STIM2: variants seen among roughly 807,000 people sequenced by gnomAD.
The protein encoded by STIM2 is stromal interaction molecule 2.
Under a neutral mutation model 85.8 loss-of-function variants are expected in STIM2, and 31 were observed. The observed-to-expected ratio is 0.36, with a 90% CI of 0.27 to 0.49. The LOEUF (loss-of-function observed/expected upper bound fraction) is 0.49. Among genes scored for constraint, STIM2 ranks in the 20% least tolerant of loss-of-function variants. The pLI is 0.98. For missense variants in STIM2, 841 were observed against 927.6 expected, an observed-to-expected ratio of 0.91 and a Z score of 1.21; for synonymous variants, 356 against 331.1, an observed-to-expected ratio of 1.08 and a Z score of -0.82.
chr4:26,873,649 A>G, intron 1 of STIM2: 1 of 641,162 alleles, frequency 1.6e-6, no homozygotes, highest in South Asian at 1.5e-5. Flanking sequence ...GTCATAAATG[A>G]GAGAGACGCT....
intron 3 of STIM2, among the ~76,000 whole-genome samples, chr4:26,976,914 CTTT>C (rs1727223732): frequency 6.6e-6 from 1 of 152,136 alleles, no homozygotes; most frequent in Non-Finnish European, 1.5e-5. Context: ...AGTTAACGCT[CTTT>C]TAGAGAGACA....
intron 1 of STIM2, among the ~76,000 whole-genome samples, chr4:26,917,313 T>C (rs1724619787): frequency 6.6e-6 from 1 of 152,192 alleles, no homozygotes; most frequent in Non-Finnish European, 1.5e-5. Context: ...ATTTATCTTG[T>C]TAGGTTCATA....
At chr4:26,912,842 T>C (rs1430044976) in intron 1 of STIM2, among the ~76,000 whole-genome samples, 1 of 152,190 alleles carries the variant, frequency 6.6e-6, no homozygotes, top group Non-Finnish European at 1.5e-5. Context: ...ACTTCACCTG[T>C]CTTTTGCTGG....
chr4:26,922,924 T>A (rs1292820786), intron 2 of STIM2, among the ~76,000 whole-genome samples: 1 of 152,154 alleles, frequency 6.6e-6, no homozygotes, highest in Non-Finnish European at 1.5e-5. Context: ...AATATATTTC[T>A]CATTATATAT....
chr4:27,009,085 G>A (rs979063590), intron 10 of STIM2, 83 bp downstream of exon 10: 83 of 1,188,918 alleles, frequency 7.0e-5, no homozygotes, highest in Middle Eastern at 2.0e-4. Context: ...CATGTACTTC[G>A]AAATCTGTGA....
intron 1 of STIM2, among the ~76,000 whole-genome samples, chr4:26,901,584 T>C (rs1244987430): frequency 1.3e-5 from 2 of 152,178 alleles, no homozygotes; most frequent in Non-Finnish European, 2.9e-5. Context: ...TTTTGGGCCT[T>C]ATAGATGTTG....
chr4:26,999,731 C>T (rs1728078690), intron 5 of STIM2, among the ~76,000 whole-genome samples: 1 of 151,950 alleles, frequency 6.6e-6, no homozygotes, highest in Admixed American at 6.6e-5. Context: ...AGCAATAGAG[C>T]CTAACAGTTT....
chr4:27,006,811 T>G (rs1728377173), intron 7 of STIM2, among the ~76,000 whole-genome samples: 1 of 152,180 alleles, frequency 6.6e-6, no homozygotes, highest in African/African-American at 2.4e-5. Flanking sequence ...TCAAGTAGAC[T>G]CTCAGAATCT....
rs1204521674 is a variant in STIM2, at chr4:26,957,668, C to T, written c.339C>T (p.His113=). 5.6e-6 allele frequency: 9 copies of T among 1,596,234 alleles called. No individual in the cohort carries two copies. The highest frequency in any genetic ancestry group is 1.4e-5 in the African/African-American group (1 of 73,564). Reference sequence around the variant, plus strand: ...CTACTAATAAACACAGCCATCTGCACAGAGAAGATAAACATATAACGATTG... The same window carrying T: ...CTACTAATAAACACAGCCATCTGCATAGAGAAGATAAACATATAACGATTG... The change falls in exon 3 of 12, where the codon CAC becomes CAT. Residue 113 remains histidine (H), a synonymous_variant. Transcript: ENST00000467087.
chr4:27,008,801 C>T lies in STIM2; in HGVS notation c.1288C>T (p.Arg430Ter), dbSNP rs1299400467. 1 of 1,614,054 alleles carries T rather than the reference C, an allele frequency of 6.2e-7. No homozygotes were observed. The highest frequency in any genetic ancestry group is 8.5e-7 in the Non-Finnish European group (1 of 1,179,982). The change falls in exon 10 of 12, where the codon CGA (arginine) becomes TGA (stop). Residue 430 changes from arginine (R) to a stop codon, truncating the protein, a stop_gained. Transcript: ENST00000467087. LOFTEE classifies it high-confidence loss of function. ...TGAGTTGACAACTTGTTTACGAGAA[C>T]GACTTTTTCGCTGGCAACAAATTGA...
intron 10 of STIM2, among the ~76,000 whole-genome samples, chr4:27,014,255 A>C (rs1728657882): frequency 6.6e-6 from 1 of 151,816 alleles, no homozygotes; most frequent in African/African-American, 2.4e-5. Context: ...TAATATTTAT[A>C]CACCTCCCAC....
intron 1 of STIM2, among the ~76,000 whole-genome samples, chr4:26,908,867 G>A (rs1724227772): frequency 6.6e-6 from 1 of 152,108 alleles, no homozygotes; most frequent in South Asian, 2.1e-4. Context: ...ATTTGGTTTT[G>A]GAATCAGTCA....
At chr4:26,927,701 A>AC in intron 2 of STIM2, among the ~76,000 whole-genome samples, 1 of 129,194 alleles carries the variant, frequency 7.7e-6, no homozygotes, top group Non-Finnish European at 1.6e-5. Context: ...AAAAAAAAAA[A>AC]AAAAAACTTG....
intron 2 of STIM2, among the ~76,000 whole-genome samples, chr4:26,928,235 C>T (rs1430197822): frequency 6.6e-6 from 1 of 152,170 alleles, no homozygotes; most frequent in Non-Finnish European, 1.5e-5. Flanking sequence ...TACTTCCTAA[C>T]ACTGCCACAA....
At chr4:26,887,183 C>CTT (rs34736602) in intron 1 of STIM2, among the ~76,000 whole-genome samples, 1,468 of 70,960 alleles carry the variant, frequency 0.021, 72 homozygotes, top group Non-Finnish European at 0.03. Flanking sequence ...AATAATTAAA[C>CTT]TTTTTTTTTT....
chr4:26,868,641 A>G (rs1357099631), intron 1 of STIM2, among the ~76,000 whole-genome samples: 1 of 152,190 alleles, frequency 6.6e-6, no homozygotes, highest in Non-Finnish European at 1.5e-5. Context: ...TACTCAGCAC[A>G]CTGCAAGTTG....
intron 10 of STIM2, among the ~76,000 whole-genome samples, chr4:27,014,407 A>G (rs1728664981): frequency 1.3e-5 from 2 of 151,744 alleles, no homozygotes; most frequent in Admixed American, 6.6e-5. Flanking sequence ...TTAATTACTA[A>G]TATGTCACTT....
At position 26,958,037 on chromosome 4, in the gene STIM2, A is replaced by C. The variant is rs550454548; in HGVS notation, c.397+311A>C. Among the ~76,000 whole-genome samples, 7 of 152,226 alleles carry C rather than the reference A, an allele frequency of 4.6e-5. No individual in the cohort carries two copies. In the East Asian group the frequency reaches 1.3e-3, roughly 29 times the overall value. ...TGACATTATTATAAAAGGTTTAGCA[A>C]ATAAACATATGGAAACACAAAGTTT... On this transcript the variant is annotated intron_variant, in intron 3 of 11. Transcript: ENST00000467087.
chr4:26,994,123 TC>T (rs1727866005), intron 3 of STIM2, among the ~76,000 whole-genome samples: 1 of 152,112 alleles, frequency 6.6e-6, no homozygotes, highest in East Asian at 1.9e-4. Context: ...GTTGGTGACT[TC>T]CCACCAATAC....
Sources: gnomAD v4.1 joint callset for allele counts (sites outside exome capture counted in the v4.1 genomes callset) on GRCh38, gnomAD v4.1.1 for gene constraint, MANE v1.5 for transcripts, NCBI Gene and HGNC (gene_info 2026-07-23, HGNC 2026-07-21) for gene names.